The following SIPA1L1 variants were observed in gnomAD, a reference collection of about 807,000 sequenced individuals.
The protein encoded by SIPA1L1 is signal induced proliferation associated 1 like 1, also known as signal-induced proliferation-associated 1-like protein 1.
SIPA1L1 carries 26 observed loss-of-function variants against 162.7 expected under a neutral mutation model. That is an observed-to-expected ratio of 0.16 (90% CI 0.12 to 0.22). SIPA1L1 has a LOEUF of 0.22. SIPA1L1 is among the 10% of genes least tolerant of loss of function. The probability of loss-of-function intolerance (pLI) is 1.00; values close to 1 mark genes in which losing one functional copy is unlikely to be tolerated. For missense variants in SIPA1L1, 1,874 were observed against 2,241.0 expected (o/e 0.84, Z 3.31); for synonymous variants, 829 against 837.4 (o/e 0.99, Z 0.17).
At chr14:71,605,984 G>T (rs144236677) in intron 5 of SIPA1L1, among the ~76,000 whole-genome samples, 3,573 of 152,206 alleles carry the variant, frequency 0.023, 86 homozygotes, top group South Asian at 0.029. Flanking sequence ...GTTCTAAGTG[G>T]TGTGCACTGG....
At chr14:71,603,939 A>G (rs1410785463) in intron 5 of SIPA1L1, among the ~76,000 whole-genome samples, 1 of 142,022 alleles carries the variant, frequency 7.0e-6, no homozygotes, top group Non-Finnish European at 1.6e-5. Flanking sequence ...ATATTTATAT[A>G]TCTATATATA....
chr14:71,371,143 G>A (rs989781491), intron 2 of SIPA1L1, among the ~76,000 whole-genome samples: 3 of 152,048 alleles, frequency 2.0e-5, no homozygotes, highest in African/African-American at 7.2e-5. Context: ...AGACTAAGTA[G>A]TTCACTTTAT....
chr14:71,586,846 C>T (rs930179729), intron 4 of SIPA1L1: 1 of 152,032 alleles, frequency 6.6e-6, no homozygotes, highest in Non-Finnish European at 1.5e-5. Flanking sequence ...ATACTTCTAG[C>T]TTTTAAGAGT....
At chr14:71,705,032 A>G (rs989291373) in intron 15 of SIPA1L1, 190 bp from the exon 16 acceptor site, 1 of 614,700 alleles carries the variant, frequency 1.6e-6, no homozygotes, top group Non-Finnish European at 2.9e-6. Flanking sequence ...ACCAGCTGCA[A>G]GCTTTATCCA....
At chr14:71,478,651 A>G (rs183680615) in intron 2 of SIPA1L1, among the ~76,000 whole-genome samples, 7 of 152,226 alleles carry the variant, frequency 4.6e-5, no homozygotes, top group Admixed American at 6.5e-5. Flanking sequence ...CCAAGAATCA[A>G]TTGGTTATAT....
intron 2 of SIPA1L1, among the ~76,000 whole-genome samples, chr14:71,356,583 A>AAAAAAAAAAAAAAAAAAAC (rs2037283047): frequency 2.1e-5 from 3 of 145,686 alleles, no homozygotes; most frequent in African/African-American, 7.5e-5. Context: ...AAAAAAAAAA[A>AAAAAAAAAAAAAAAAAAAC]AAAAGCACAC....
intron 3 of SIPA1L1, among the ~76,000 whole-genome samples, chr14:71,527,534 A>C (rs1188976516): frequency 6.6e-6 from 1 of 151,972 alleles, no homozygotes; most frequent in Non-Finnish European, 1.5e-5. Flanking sequence ...GGAGTTCTTT[A>C]TATGTTCTGA....
intron 2 of SIPA1L1, among the ~76,000 whole-genome samples, chr14:71,399,320 G>A (rs115982872): frequency 0.018 from 2,690 of 152,274 alleles, 73 homozygotes; most frequent in African/African-American, 0.062. Flanking sequence ...TTTCCACGTA[G>A]TGTCTTTTGC....
chr14:71,685,760 C>T (rs573020475), intron 13 of SIPA1L1, 129 bp downstream of exon 13: 52 of 1,173,912 alleles, frequency 4.4e-5, no homozygotes, highest in East Asian at 1.5e-4. Flanking sequence ...AGGTGCATAC[C>T]GTAGTGACTT....
chr14:71,359,761 G>A (rs1229607625), intron 2 of SIPA1L1, among the ~76,000 whole-genome samples: 3 of 152,128 alleles, frequency 2.0e-5, no homozygotes, highest in Non-Finnish European at 4.4e-5. Context: ...GAACCTCCTT[G>A]CTTGTTTGGC....
At chr14:71,360,410 A>T (rs942796014) in intron 2 of SIPA1L1, among the ~76,000 whole-genome samples, 1 of 152,208 alleles carries the variant, frequency 6.6e-6, no homozygotes, top group African/African-American at 2.4e-5. Flanking sequence ...AGCTTACACG[A>T]CCTGCCCAGT....
chr14:71,641,758 T>A (rs2041742295), intron 7 of SIPA1L1, among the ~76,000 whole-genome samples: 1 of 152,270 alleles, frequency 6.6e-6, no homozygotes, highest in South Asian at 2.1e-4. Flanking sequence ...CAGAAGACAT[T>A]TCTAAAGTGC....
At chr14:71,461,546 GACC>G (rs1312827890) in intron 2 of SIPA1L1, among the ~76,000 whole-genome samples, 3 of 152,168 alleles carry the variant, frequency 2.0e-5, no homozygotes, top group Non-Finnish European at 4.4e-5. Context: ...CACAGTTTTT[GACC>G]ACTCAGAGGG....
At chr14:71,329,902 G>A (rs2034314369) in intron 2 of SIPA1L1, among the ~76,000 whole-genome samples, 1 of 152,092 alleles carries the variant, frequency 6.6e-6, no homozygotes, top group Admixed American at 6.5e-5. Flanking sequence ...GGAGGAGGAA[G>A]GGGTGAAAAC....
chr14:71,516,996 A>AT (rs955378353), intron 3 of SIPA1L1, among the ~76,000 whole-genome samples: 9 of 151,248 alleles, frequency 6.0e-5, no homozygotes, highest in African/African-American at 1.2e-4. Context: ...AAACAAAAAC[A>AT]TTTTTTTTTC....
intron 2 of SIPA1L1, among the ~76,000 whole-genome samples, chr14:71,456,262 TGA>T (rs1448423920): frequency 6.6e-6 from 1 of 152,144 alleles, no homozygotes; most frequent in Non-Finnish European, 1.5e-5. Context: ...GCAAATCAGA[TGA>T]GAGAGAACAG....
intron 2 of SIPA1L1, among the ~76,000 whole-genome samples, chr14:71,329,724 C>T (rs61991213): frequency 0.22 from 34,018 of 152,104 alleles, 3,987 homozygotes; most frequent in Middle Eastern, 0.37. Context: ...TTCATATTCT[C>T]GTTGGCCATT....
At chr14:71,426,433 T>C (rs532806334) in intron 2 of SIPA1L1, among the ~76,000 whole-genome samples, 1 of 151,946 alleles carries the variant, frequency 6.6e-6, no homozygotes, top group East Asian at 1.9e-4. Flanking sequence ...GTGGTTACCA[T>C]AGGAATTACA....
intron 2 of SIPA1L1, among the ~76,000 whole-genome samples, chr14:71,415,106 C>T (rs1317846897): frequency 6.6e-6 from 1 of 152,164 alleles, no homozygotes; most frequent in Non-Finnish European, 1.5e-5. Context: ...GTCAGCTCTT[C>T]TGGAGTGACT....
Sources: allele counts gnomAD v4.1 joint callset (sites outside exome capture counted in the v4.1 genomes callset), GRCh38; gene constraint gnomAD v4.1.1; transcripts MANE v1.5; gene names NCBI Gene and HGNC (gene_info 2026-07-23, HGNC 2026-07-21).